Variants in NEB observed in about 807,000 individuals in gnomAD.
The protein encoded by NEB is nebulin, also known as nemaline myopathy type 2.
Under a neutral mutation model 952.2 loss-of-function variants are expected in NEB, and 512 were observed. The observed-to-expected ratio is 0.54, with a 90% CI of 0.50 to 0.58. The LOEUF is 0.58. Among genes scored for constraint, NEB ranks in the 20% least tolerant of loss-of-function variants. The pLI is 0.00. For synonymous variants in NEB, 2,900 were observed against 3,149.8 expected, an observed-to-expected ratio of 0.92 and a Z score of 2.66; for missense variants, 8,428 against 9,231.1, an observed-to-expected ratio of 0.91 and a Z score of 3.56.
chr2:151,669,211 G>A lies in NEB; in HGVS notation c.4507-80C>T, dbSNP rs531200956. 2.4e-5 allele frequency: 24 copies of A among 988,950 alleles called. 1 individual carries two copies. Among genetic ancestry groups the A allele is most frequent in the Admixed American group, 1.0e-4 (5 of 47,846 alleles). 61.3% of individuals were successfully genotyped at this position (988,950 alleles called of 1,614,324 possible). ...CATCAAGCAGAGACTCCTTTAAAAC[G>A]GAAGGCTATCATTTGTGTTTTCCAT... On this transcript the variant is annotated intron_variant, in intron 38 of 181. Coordinates refer to ENST00000397345, the MANE Select transcript of NEB (RefSeq NM_001164508.2).
At chr2:151,628,567 A>C (rs1336360679) in intron 68 of NEB, among the ~76,000 whole-genome samples, 1 of 152,194 alleles carries the variant, frequency 6.6e-6, no homozygotes, top group Non-Finnish European at 1.5e-5. Flanking sequence ...TCAGCTGGGC[A>C]TAGTGGCTTA....
Position 151,527,598 on chromosome 2 carries a change from GGA to G in NEB, c.21736-15_21736-14del, listed in dbSNP as rs752810060. 1.1e-5 allele frequency: 17 copies of G among 1,589,412 alleles called. No homozygotes were observed. Among genetic ancestry groups the G allele is most frequent in the Non-Finnish European group, 1.5e-5 (17 of 1,161,354 alleles). On this transcript the variant is annotated splice_polypyrimidine_tract_variant and intron_variant, in intron 146 of 181. Coordinates refer to ENST00000397345, the MANE Select transcript of NEB (RefSeq NM_001164508.2). ...TCTTATAGTCCAGCTGTTTTTAACA[GGA>G]GAGAAAGGAATCACTTGATTCAGTA...
chr2:151,652,252 G>A (rs904468034), intron 52 of NEB, among the ~76,000 whole-genome samples: 9 of 152,028 alleles, frequency 5.9e-5, no homozygotes, highest in African/African-American at 9.7e-5. Flanking sequence ...TTGAGATACC[G>A]TCTGGCTCTG....
intron 117 of NEB, among the ~76,000 whole-genome samples, chr2:151,564,663 G>A (rs1389930457): frequency 1.3e-5 from 2 of 152,024 alleles, no homozygotes; most frequent in Non-Finnish European, 2.9e-5. Context: ...TACTAAAGAG[G>A]GACCAACCTT....
In NEB at chr2:151,638,427, TG is replaced by T. The variant is rs150405168; in HGVS notation, c.8994+852del. ...GGGATATTGGATTTGAAGGTGAACC[TG>T]GGGTGAAGGTGGCAGGGGAGGCACC... On this transcript the variant is annotated intron_variant, in intron 63 of 181. Coordinates refer to ENST00000397345, the MANE Select transcript of NEB (RefSeq NM_001164508.2). Among the ~76,000 whole-genome samples, 464 of 152,320 alleles carry T rather than the reference TG, an allele frequency of 3.0e-3. 3 individuals are homozygous for T. Among genetic ancestry groups the T allele is most frequent in the African/African-American group, 0.01 (420 of 41,582 alleles).
intron 103 of NEB, 122 bp downstream of exon 103, chr2:151,581,361 A>G: frequency 3.1e-6 from 1 of 320,844 alleles, no homozygotes; most frequent in Non-Finnish European, 5.2e-6. Context: ...CATTAACTTA[A>G]AGACTAGAAA....
At chr2:151,561,598 CT>C (rs112384270) in intron 121 of NEB, among the ~76,000 whole-genome samples, 3,405 of 141,702 alleles carry the variant, frequency 0.024, 123 homozygotes, top group African/African-American at 0.081. Flanking sequence ...GTTTCGAACA[CT>C]TTTTTTTTTT....
intron 161 of NEB, among the ~76,000 whole-genome samples, chr2:151,510,710 C>T (rs1034850119): frequency 2.6e-5 from 4 of 152,118 alleles, no homozygotes; most frequent in African/African-American, 9.7e-5. Context: ...TAAGCTTTGT[C>T]ATAGGTGTAT....
chr2:151,661,362 C>T (rs1353948511), intron 46 of NEB, among the ~76,000 whole-genome samples: 1 of 152,160 alleles, frequency 6.6e-6, no homozygotes, highest in Non-Finnish European at 1.5e-5. Context: ...TCTGAAGACT[C>T]CAGGGGGTTT....
rs1400897392 is a variant in NEB at position 151,669,017 on chromosome 2, A to G, written c.4611+10T>C. ...GCATACGCAATATTAGCACTGGGCC[A>G]AATACTCACATCACTCATGTTGAGG... On this transcript the variant is annotated intron_variant, in intron 39 of 181. Coordinates refer to ENST00000397345, the MANE Select transcript of NEB (RefSeq NM_001164508.2). 7 of 1,563,306 alleles carry G rather than the reference A, an allele frequency of 4.5e-6. No homozygotes were observed. Among genetic ancestry groups the G allele is most frequent in the East Asian group, 4.6e-5 (2 of 43,756 alleles).
rs1477012819 is a variant in NEB at position 151,581,738 on chromosome 2, T to A, written c.16180-151A>T. Among the ~76,000 whole-genome samples the A allele has an allele frequency of 4.0e-5, 6 of 151,462 alleles. No individual in the cohort carries two copies. The East Asian group carries it at 5.9e-4, about 15-fold the overall frequency. On this transcript the variant is annotated intron_variant, in intron 102 of 181. Coordinates refer to ENST00000397345, the MANE Select transcript of NEB (RefSeq NM_001164508.2). ...TATAATAAATTAAAACTAACATAAG[T>A]AAATTAAAATTTTTAAGTAAGATTA... is the stretch of plus-strand genomic sequence containing the variant.
chr2:151,551,886 G>A, intron 128 of NEB, 41 bp from the exon 129 acceptor site: 1 of 1,431,056 alleles, frequency 7.0e-7, no homozygotes. Flanking sequence ...AAGAGAATGG[G>A]AACCCAGGTT....
At chr2:151,668,244 A>G (rs1339582349) in intron 39 of NEB, among the ~76,000 whole-genome samples, 1 of 152,156 alleles carries the variant, frequency 6.6e-6, no homozygotes, top group Non-Finnish European at 1.5e-5. Context: ...TCTATAATAA[A>G]TATATAATAC....
rs762579798 is a variant in NEB at position 151,643,897 on chromosome 2, T to C, written c.7877A>G (p.Asn2626Ser). 6.2e-7 allele frequency: 1 copy of C among 1,614,038 alleles called. No homozygotes were observed. Among genetic ancestry groups the C allele is most frequent in the Non-Finnish European group, 8.5e-7 (1 of 1,179,892 alleles). Residue 2626 changes from asparagine to serine, a missense_variant, in exon 57 of 182, where the codon AAC becomes AGC. Around this residue, in one of 11 missense-constraint regions of NEB, gnomAD observed 1,772 missense variants for 1,960.3 expected, o/e 0.90. Coordinates refer to ENST00000397345, the MANE Select transcript of NEB (RefSeq NM_001164508.2). ...QTLVSDVDYK[N>S]YLHQWTCLPD... ...CAGGCATGTCCACTGGTGCAGGTAG[T>C]TCTTGTAGTCCACGTCGCTGACTAA...
chr2:151,721,800 G>A (rs2099774846), intron 9 of NEB, among the ~76,000 whole-genome samples: 1 of 152,124 alleles, frequency 6.6e-6, no homozygotes, highest in Non-Finnish European at 1.5e-5. Flanking sequence ...GAATCAAAAA[G>A]CTAATCTTGA....
rs540816110 is a variant in NEB, at chr2:151,489,672, T to C, written c.25404+299A>G. On this transcript the variant is annotated intron_variant, in intron 181 of 181. Coordinates refer to ENST00000397345, the MANE Select transcript of NEB (RefSeq NM_001164508.2). ...TCAGCGTCCCAAAGTGCTGGCATTA[T>C]AGGCATGATTCACTATGCCCAGCAA... Among the ~76,000 whole-genome samples the C allele has an allele frequency of 4.6e-5, 7 of 152,254 alleles. No individual in the cohort carries two copies. The South Asian group carries it at 1.5e-3, about 32-fold the overall frequency.
chr2:151,548,467 AT>A, intron 130 of NEB, 52 bp from the exon 131 acceptor site: 1 of 1,211,808 alleles, frequency 8.3e-7, no homozygotes, highest in South Asian at 1.2e-5. Context: ...AAGGACCAAC[AT>A]TACATTTCTC....
intron 150 of NEB, among the ~76,000 whole-genome samples, chr2:151,525,731 C>T (rs2085342423): frequency 6.6e-6 from 1 of 152,142 alleles, no homozygotes; most frequent in Admixed American, 6.5e-5. Flanking sequence ...TCTGATATGG[C>T]TAGATTACAT....
chr2:151,665,939 A>T, intron 41 of NEB, 151 bp downstream of exon 41: 1 of 760,364 alleles, frequency 1.3e-6, no homozygotes, highest in Non-Finnish European at 2.0e-6. Flanking sequence ...AAAGCCACCT[A>T]TAGTTCAAAT....
Sources: gnomAD v4.1 joint callset for allele counts (sites outside exome capture counted in the v4.1 genomes callset) on GRCh38, gnomAD v4.1.1 for gene constraint, gnomAD v4.1.1 regional missense constraint, MANE v1.5 for transcripts, NCBI Gene and HGNC (gene_info 2026-07-23, HGNC 2026-07-21) for gene names.